Variants in TAS2R1 observed in about 807,000 individuals in gnomAD.
The protein encoded by TAS2R1 is taste 2 receptor member 1.
For synonymous variants in TAS2R1, 141 were observed against 134.2 expected (o/e 1.05, Z -0.35); for missense variants, 370 against 353.4 (o/e 1.05, Z -0.38).
At chr5:9,810,050 T>A in the TAS2R1 span, among the ~76,000 whole-genome samples, 2 of 152,356 alleles carry the variant, frequency 1.3e-5, no homozygotes, top group Non-Finnish European at 2.9e-5. Context: ...TTGATTCTCA[T>A]GTGTGTGAAA....
At chr5:9,864,673 G>A in the TAS2R1 span, among the ~76,000 whole-genome samples, 1 of 149,744 alleles carries the variant, frequency 6.7e-6, no homozygotes, top group Non-Finnish European at 1.5e-5. Context: ...ATCACCATAG[G>A]CTACTTCATA....
At chr5:9,876,098 G>C in the TAS2R1 span, among the ~76,000 whole-genome samples, 1 of 152,130 alleles carries the variant, frequency 6.6e-6, no homozygotes, top group Admixed American at 6.5e-5. Flanking sequence ...CAGCCCAGGA[G>C]GGACAGGAGA....
chr5:9,895,853 G>GATGGAGTTACAGTCA, the TAS2R1 span, among the ~76,000 whole-genome samples: 1 of 152,198 alleles, frequency 6.6e-6, no homozygotes. Flanking sequence ...GCTGTAATCT[G>GATGGAGTTACAGTCA]ATGGAGTTAC....
rs1204308891 is a variant in TAS2R1, at chr5:9,630,068, G to A, written c.-36C>T. ...AAAAATTATTTACTTAAAAAATAAT[G>A]AAGTTATAAAGTTTTGGACAGGTTG... On this transcript the variant is annotated 5_prime_UTR_variant, in exon 1 of 1. Coordinates refer to ENST00000382492, the MANE Select transcript of TAS2R1 (RefSeq NM_019599.3). The A allele has an allele frequency of 6.7e-7, 1 of 1,492,338 alleles. No homozygotes were observed. Among genetic ancestry groups the A allele is most frequent in the Non-Finnish European group, 8.9e-7 (1 of 1,121,816 alleles). The allele number at this position is 1,492,338 out of a possible 1,614,324, so 92.4% of individuals were successfully genotyped here. A position where few individuals can be genotyped will look rare whatever the true frequency, so the allele number is the denominator to read the frequency against.
chr5:9,875,987 T>A, the TAS2R1 span, among the ~76,000 whole-genome samples: 1 of 152,132 alleles, frequency 6.6e-6, no homozygotes, highest in Non-Finnish European at 1.5e-5. Context: ...CTTTGCCCCA[T>A]GTCTTCAGAG....
the TAS2R1 span, among the ~76,000 whole-genome samples, chr5:9,757,799 T>A: frequency 6.6e-6 from 1 of 152,166 alleles, no homozygotes; most frequent in Non-Finnish European, 1.5e-5. Flanking sequence ...AGAAAAATGA[T>A]TCAATTTAGT....
chr5:9,781,064 C>T, the TAS2R1 span, among the ~76,000 whole-genome samples: 2 of 152,172 alleles, frequency 1.3e-5, no homozygotes, highest in African/African-American at 2.4e-5. Flanking sequence ...GGATATATAT[C>T]CTATAGCCTA....
At chr5:9,837,475 G>T in the TAS2R1 span, among the ~76,000 whole-genome samples, 1 of 152,298 alleles carries the variant, frequency 6.6e-6, no homozygotes, top group Non-Finnish European at 1.5e-5. Flanking sequence ...GTAAATAGGC[G>T]GGCAGCTTCC....
the TAS2R1 span, among the ~76,000 whole-genome samples, chr5:9,752,101 C>T: frequency 6.6e-6 from 1 of 152,110 alleles, no homozygotes; most frequent in Non-Finnish European, 1.5e-5. Flanking sequence ...TGATCGATAC[C>T]CACAGGCATA....
At chr5:9,860,467 A>C in the TAS2R1 span, among the ~76,000 whole-genome samples, 110 of 152,348 alleles carry the variant, frequency 7.2e-4, no homozygotes, top group African/African-American at 2.5e-3. Flanking sequence ...CCAAATAATA[A>C]GACAAAACAA....
chr5:9,666,605 G>C (rs1268797112), intron 1 of TAS2R1, among the ~76,000 whole-genome samples: 1 of 152,058 alleles, frequency 6.6e-6, no homozygotes, highest in Non-Finnish European at 1.5e-5. Context: ...GTGAGTAAGA[G>C]TAGGAAAAAA....
intron 1 of TAS2R1, among the ~76,000 whole-genome samples, chr5:9,683,682 G>A (rs750853455): frequency 6.6e-6 from 1 of 152,184 alleles, no homozygotes. Flanking sequence ...TTGCTTTCTC[G>A]AGTCAGAGCT....
the TAS2R1 span, among the ~76,000 whole-genome samples, chr5:9,789,314 C>A: frequency 6.6e-6 from 1 of 152,202 alleles, no homozygotes; most frequent in Non-Finnish European, 1.5e-5. Flanking sequence ...AAACCTGGCA[C>A]AATTTAATCT....
At chr5:9,688,562 T>C (rs143289941) in intron 1 of TAS2R1, among the ~76,000 whole-genome samples, 7 of 152,258 alleles carry the variant, frequency 4.6e-5, no homozygotes, top group Non-Finnish European at 8.8e-5. Flanking sequence ...TGCAGCTCTG[T>C]GTGCTTGGTC....
the TAS2R1 span, among the ~76,000 whole-genome samples, chr5:9,743,725 C>T: frequency 6.6e-6 from 1 of 152,126 alleles, no homozygotes; most frequent in South Asian, 2.1e-4. Flanking sequence ...CATTTGCTTC[C>T]AGCAGATCTT....
At chr5:9,860,201 G>A in the TAS2R1 span, among the ~76,000 whole-genome samples, 1 of 152,204 alleles carries the variant, frequency 6.6e-6, no homozygotes, top group South Asian at 2.1e-4. Flanking sequence ...TGAAGAAACA[G>A]GTGTCAATGC....
At chr5:9,859,414 T>G in the TAS2R1 span, among the ~76,000 whole-genome samples, 1 of 152,176 alleles carries the variant, frequency 6.6e-6, no homozygotes, top group Non-Finnish European at 1.5e-5. Flanking sequence ...CACACTTTGT[T>G]TTTCATAGAG....
At chr5:9,811,457 G>T in the TAS2R1 span, among the ~76,000 whole-genome samples, 1 of 152,080 alleles carries the variant, frequency 6.6e-6, no homozygotes, top group Admixed American at 6.6e-5. Flanking sequence ...TAAACTTAGT[G>T]GTGAAGAGGG....
the TAS2R1 span, among the ~76,000 whole-genome samples, chr5:9,796,072 C>T: frequency 8.5e-5 from 13 of 152,172 alleles, no homozygotes; most frequent in Non-Finnish European, 1.8e-4. Flanking sequence ...CTCAGGGTTG[C>T]TCTTCAAGAG....
Sources: allele counts gnomAD v4.1 joint callset (sites outside exome capture counted in the v4.1 genomes callset), GRCh38; gene constraint gnomAD v4.1.1; transcripts MANE v1.5; gene names NCBI Gene and HGNC (gene_info 2026-07-23, HGNC 2026-07-21).